The following STK32B variants were observed in gnomAD, a reference collection of about 807,000 sequenced individuals.
The protein encoded by STK32B is serine/threonine kinase 32B.
Under a neutral mutation model 52.6 loss-of-function variants are expected in STK32B, and 43 were observed. The ratio of observed to expected loss-of-function variants is 0.82; its 90% CI spans 0.64 to 1.05. The LOEUF is 1.05. Among genes scored for constraint, STK32B ranks in the 50% least tolerant of loss-of-function variants. STK32B has a pLI of 0.00. For synonymous variants in STK32B, 238 were observed against 204.3 expected (o/e 1.17, Z -1.41); for missense variants, 621 against 534.6 (o/e 1.16, Z -1.59).
upstream of STK32B, among the ~76,000 whole-genome samples, chr4:5,051,082 C>A (rs1577609068): frequency 6.6e-6 from 1 of 152,252 alleles, no homozygotes; most frequent in East Asian, 1.9e-4. Context: ...GGTTGGAGAG[C>A]CAGCAGACAC....
chr4:5,210,672 G>A (rs1021387337), intron 3 of STK32B, among the ~76,000 whole-genome samples: 3 of 152,088 alleles, frequency 2.0e-5, no homozygotes, highest in African/African-American at 7.2e-5. Flanking sequence ...GCATTGGCAG[G>A]CATTCAAAAA....
chr4:5,280,955 G>C (rs549541867), intron 3 of STK32B, among the ~76,000 whole-genome samples: 1 of 152,120 alleles, frequency 6.6e-6, no homozygotes, highest in South Asian at 2.1e-4. Flanking sequence ...CCTGAGACTG[G>C]GTAATTCATG....
chr4:5,418,376 C>T (rs1375619233), intron 6 of STK32B, among the ~76,000 whole-genome samples: 1 of 152,062 alleles, frequency 6.6e-6, no homozygotes, highest in East Asian at 1.9e-4. Context: ...AGTTTTATGC[C>T]TAGATAATCC....
intron 3 of STK32B, among the ~76,000 whole-genome samples, chr4:5,216,314 G>C (rs1723181718): frequency 6.6e-6 from 1 of 152,106 alleles, no homozygotes; most frequent in African/African-American, 2.4e-5. Flanking sequence ...TTGGTACCAG[G>C]CACTTTGTTA....
At chr4:5,362,499 C>A (rs1253516220) in intron 4 of STK32B, among the ~76,000 whole-genome samples, 1 of 152,162 alleles carries the variant, frequency 6.6e-6, no homozygotes, top group African/African-American at 2.4e-5. Flanking sequence ...AAACAGAGGG[C>A]ACTTTGTACA....
intron 3 of STK32B, among the ~76,000 whole-genome samples, chr4:5,196,026 A>G (rs1721622714): frequency 6.6e-6 from 1 of 152,236 alleles, no homozygotes; most frequent in African/African-American, 2.4e-5. Flanking sequence ...ATGGCCTGAG[A>G]CCGGGCCTTT....
rs528765672 is a variant in STK32B at position 5,102,135 on chromosome 4, C to A, written c.53-37770C>A. ...CTGTCCTTTCCTGGTAGAACCCCCT[C>A]ATAGCCCTCTGACCTCGGGCAAGTT... On this transcript the variant is annotated intron_variant, in intron 1 of 11. Transcript: ENST00000282908. Among the ~76,000 whole-genome samples the A allele has an allele frequency of 6.2e-4, 94 of 152,340 alleles. 1 individual carries two copies. In the South Asian group the frequency reaches 8.3e-3, roughly 13 times the overall value.
chr4:5,425,210 A>T (rs927608659), intron 6 of STK32B, among the ~76,000 whole-genome samples: 3 of 152,166 alleles, frequency 2.0e-5, no homozygotes, highest in Non-Finnish European at 2.9e-5. Flanking sequence ...AGGCCAAGTG[A>T]GCAGAATGAG....
chr4:5,372,451 A>C lies in STK32B; in HGVS notation c.435-25756A>C, dbSNP rs919818027. On this transcript the variant is annotated intron_variant, in intron 4 of 11. Coordinates refer to ENST00000282908, the MANE Select transcript of STK32B (RefSeq NM_018401.3). Reference sequence around the variant, plus strand: ...AGCTTCAGGTAGCCCAGGACTCCCGACCTCTCACTCCCTTAGCACACATTC... The same window carrying C: ...AGCTTCAGGTAGCCCAGGACTCCCGCCCTCTCACTCCCTTAGCACACATTC... Among the ~76,000 whole-genome samples the C allele has an allele frequency of 2.0e-5, 3 of 151,968 alleles. No homozygotes were observed. The South Asian group carries it at 6.2e-4, about 32-fold the overall frequency.
chr4:5,348,452 A>C (rs1422110716), intron 4 of STK32B, among the ~76,000 whole-genome samples: 1 of 152,148 alleles, frequency 6.6e-6, no homozygotes, highest in African/African-American at 2.4e-5. Context: ...TTCCCCACCC[A>C]TAGCCGTTGC....
At chr4:5,424,269 G>C (rs912706484) in intron 6 of STK32B, among the ~76,000 whole-genome samples, 2 of 152,166 alleles carry the variant, frequency 1.3e-5, no homozygotes, top group African/African-American at 4.8e-5. Context: ...AGCACAAACA[G>C]CCTGGCCCCC....
intron 11 of STK32B, among the ~76,000 whole-genome samples, chr4:5,488,191 A>T (rs1044250678): frequency 6.6e-6 from 1 of 152,144 alleles, no homozygotes; most frequent in Non-Finnish European, 1.5e-5. Flanking sequence ...CCAGCTACTC[A>T]GGAGGCTGAG....
At chr4:5,403,673 C>T (rs1406475695) in intron 5 of STK32B, among the ~76,000 whole-genome samples, 1 of 152,144 alleles carries the variant, frequency 6.6e-6, no homozygotes, top group African/African-American at 2.4e-5. Flanking sequence ...GAGTGCTCCC[C>T]AAAATGGCCA....
intron 6 of STK32B, among the ~76,000 whole-genome samples, chr4:5,428,088 A>G (rs1228044151): frequency 6.6e-6 from 1 of 151,920 alleles, no homozygotes; most frequent in Non-Finnish European, 1.5e-5. Context: ...ATTTAGATAT[A>G]TTGTGCTTTT....
intron 3 of STK32B, among the ~76,000 whole-genome samples, chr4:5,202,522 G>A (rs1722233390): frequency 6.6e-6 from 1 of 152,372 alleles, no homozygotes; most frequent in East Asian, 1.9e-4. Flanking sequence ...CTCTGTGAGA[G>A]GGTCTCAACC....
chr4:5,313,981 A>G (rs1397085797), intron 3 of STK32B, among the ~76,000 whole-genome samples: 1 of 152,224 alleles, frequency 6.6e-6, no homozygotes, highest in Non-Finnish European at 1.5e-5. Context: ...TAGATGCAAC[A>G]TAGTAAAGAT....
intron 3 of STK32B, among the ~76,000 whole-genome samples, chr4:5,238,972 T>C (rs1173540816): frequency 1.3e-5 from 2 of 152,246 alleles, no homozygotes; most frequent in Non-Finnish European, 2.9e-5. Context: ...TTAATGCTTT[T>C]AGAGAGATTT....
At chr4:5,154,617 G>A (rs1717643066) in intron 2 of STK32B, among the ~76,000 whole-genome samples, 1 of 152,214 alleles carries the variant, frequency 6.6e-6, no homozygotes, top group Admixed American at 6.5e-5. Flanking sequence ...CCAGGGAGAA[G>A]ACCTGGGACT....
intron 6 of STK32B, among the ~76,000 whole-genome samples, chr4:5,431,531 T>C (rs1446627072): frequency 6.6e-6 from 1 of 151,992 alleles, no homozygotes; most frequent in Non-Finnish European, 1.5e-5. Flanking sequence ...TATTTACTAG[T>C]TGAATTGAAC....
Sources: gnomAD v4.1 joint callset for allele counts (sites outside exome capture counted in the v4.1 genomes callset) on GRCh38, gnomAD v4.1.1 for gene constraint, MANE v1.5 for transcripts, NCBI Gene and HGNC (gene_info 2026-07-23, HGNC 2026-07-21) for gene names.